Variants in NEGR1 observed in about 807,000 individuals in gnomAD.
NEGR1 encodes the protein IgLON family member 4.
In NEGR1, 10 loss-of-function variants were observed where a neutral mutation model predicts 40.9. The observed-to-expected ratio is 0.24, with a 90% CI of 0.15 to 0.42. The LOEUF is 0.42. Ranked by LOEUF, NEGR1 falls within the 10% of genes least tolerant of loss-of-function variation. The probability of loss-of-function intolerance (pLI) is 1.00; values close to 1 mark genes in which losing one functional copy is unlikely to be tolerated. For missense variants in NEGR1, 352 were observed against 438.9 expected (o/e 0.80, Z 1.77); for synonymous variants, 185 against 166.8 (o/e 1.11, Z -0.84).
At chr1:71,866,745 A>T (rs1170444878) in intron 2 of NEGR1, among the ~76,000 whole-genome samples, 2 of 152,208 alleles carry the variant, frequency 1.3e-5, no homozygotes, top group Non-Finnish European at 2.9e-5. Context: ...TATAAGGGAA[A>T]ACCTAGCATA....
chr1:71,921,090 T>C (rs1308899294), intron 2 of NEGR1, among the ~76,000 whole-genome samples: 1 of 152,198 alleles, frequency 6.6e-6, no homozygotes, highest in Non-Finnish European at 1.5e-5. Flanking sequence ...TCTTACTTTC[T>C]AATAATTAGT....
intron 6 of NEGR1, among the ~76,000 whole-genome samples, chr1:71,523,982 T>A (rs1484472036): frequency 1.3e-5 from 2 of 151,820 alleles, no homozygotes; most frequent in African/African-American, 4.8e-5. Flanking sequence ...ATGCAAAATC[T>A]TCATTTAAAC....
chr1:71,799,046 GTT>G (rs202070801), intron 2 of NEGR1, among the ~76,000 whole-genome samples: 2 of 143,934 alleles, frequency 1.4e-5, no homozygotes, highest in Admixed American at 6.9e-5. Context: ...ATTGAATGGT[GTT>G]TTTTTTTTTT....
At chr1:72,064,590 T>G (rs2100499596) in intron 1 of NEGR1, among the ~76,000 whole-genome samples, 1 of 152,220 alleles carries the variant, frequency 6.6e-6, no homozygotes, top group South Asian at 2.1e-4. Context: ...GTTGTCAGTT[T>G]ATGAAGCATT....
At chr1:72,032,058 G>A (rs1049721513) in intron 1 of NEGR1, among the ~76,000 whole-genome samples, 1 of 152,128 alleles carries the variant, frequency 6.6e-6, no homozygotes, top group Admixed American at 6.6e-5. Flanking sequence ...AATTAGAAGA[G>A]CTAGAAAATA....
At chr1:72,156,614 G>A (rs1249319350) in intron 1 of NEGR1, among the ~76,000 whole-genome samples, 1 of 152,020 alleles carries the variant, frequency 6.6e-6, no homozygotes, top group African/African-American at 2.4e-5. Flanking sequence ...TGTCATTGCT[G>A]TTGCTACCAT....
At chr1:71,807,281 G>T (rs932633252) in intron 2 of NEGR1, among the ~76,000 whole-genome samples, 1 of 152,036 alleles carries the variant, frequency 6.6e-6, no homozygotes, top group Non-Finnish European at 1.5e-5. Context: ...GTGCAATAAA[G>T]CACTGAAATA....
rs369643584 is a variant in NEGR1, at chr1:71,903,049, A to T, written c.409+32030T>A. ...CCAAAGTTTTAAATCTATAAAATTC[A>T]GTTTTATCATAGGGATTTTTAGATC... On this transcript the variant is annotated intron_variant, in intron 2 of 6. Coordinates refer to ENST00000357731, the MANE Select transcript of NEGR1 (RefSeq NM_173808.3). Among the ~76,000 whole-genome samples the T allele has an allele frequency of 5.1e-3, 676 of 132,276 alleles. 1 individual carries two copies. Among genetic ancestry groups the T allele is most frequent in the Non-Finnish European group, 7.9e-3 (477 of 60,756 alleles). 86.8% of individuals were successfully genotyped at this position (132,276 alleles called of 152,430 possible).
At chr1:72,268,723 T>C (rs1655738407) in intron 1 of NEGR1, among the ~76,000 whole-genome samples, 2 of 151,552 alleles carry the variant, frequency 1.3e-5, no homozygotes, top group Non-Finnish European at 3.0e-5. Context: ...TCTATACAAA[T>C]ATACAGGATT....
intron 4 of NEGR1, among the ~76,000 whole-genome samples, chr1:71,694,208 T>C (rs1241294798): frequency 1.3e-5 from 2 of 151,674 alleles, no homozygotes; most frequent in African/African-American, 4.8e-5. Flanking sequence ...ATTCACTAGC[T>C]CCCTTTGGCT....
chr1:72,040,577 C>CAAAAAAAAAAAAAAAAAAAAAAA (rs5775102), intron 1 of NEGR1, among the ~76,000 whole-genome samples: 4 of 29,684 alleles, frequency 1.3e-4, no homozygotes, highest in Admixed American at 6.3e-4. Context: ...GAGCACTGAC[C>CAAAAAAAAAAAAAAAAAAAAAAA]AAAAAAAAAA....
At chr1:72,199,148 G>A in intron 1 of NEGR1, among the ~76,000 whole-genome samples, 1 of 126,246 alleles carries the variant, frequency 7.9e-6, no homozygotes, top group South Asian at 2.2e-4. Context: ...TAGATAGACA[G>A]ACAGAGAGAG....
chr1:71,483,031 T>A (rs1181808352), intron 6 of NEGR1, among the ~76,000 whole-genome samples: 1 of 151,714 alleles, frequency 6.6e-6, no homozygotes, highest in Non-Finnish European at 1.5e-5. Context: ...AAGCGGATAG[T>A]CAGGATAGGG....
intron 6 of NEGR1, among the ~76,000 whole-genome samples, chr1:71,479,535 G>A (rs1263429562): frequency 6.6e-6 from 1 of 151,886 alleles, no homozygotes; most frequent in Non-Finnish European, 1.5e-5. Context: ...TAGGAATCTA[G>A]GTGTTATTTA....
chr1:72,257,250 A>T (rs1376657610), intron 1 of NEGR1, among the ~76,000 whole-genome samples: 3 of 135,944 alleles, frequency 2.2e-5, no homozygotes, highest in Non-Finnish European at 3.1e-5. Flanking sequence ...TGAACCCGGG[A>T]GGCGGAGCTT....
intron 1 of NEGR1, among the ~76,000 whole-genome samples, chr1:71,946,040 T>C (rs151060491): frequency 5.9e-4 from 89 of 152,036 alleles, no homozygotes; most frequent in African/African-American, 2.1e-3. Flanking sequence ...TTACCAATTC[T>C]ATTCGTTTCT....
At chr1:71,665,369 A>G (rs1282986251) in intron 4 of NEGR1, among the ~76,000 whole-genome samples, 2 of 152,162 alleles carry the variant, frequency 1.3e-5, no homozygotes, top group Admixed American at 6.6e-5. Flanking sequence ...GGTATATGTT[A>G]AACATGGGGA....
intron 3 of NEGR1, among the ~76,000 whole-genome samples, chr1:71,761,605 T>C (rs1021639045): frequency 6.6e-6 from 1 of 152,212 alleles, no homozygotes. Context: ...TTCTATACTT[T>C]AACCCACATG....
chr1:71,809,292 A>G (rs1657898448), intron 2 of NEGR1, among the ~76,000 whole-genome samples: 1 of 152,180 alleles, frequency 6.6e-6, no homozygotes, highest in African/African-American at 2.4e-5. Context: ...CAGATATAAT[A>G]GGCCTTGGTC....
Sources: gnomAD v4.1 joint callset for allele counts (sites outside exome capture counted in the v4.1 genomes callset) on GRCh38, gnomAD v4.1.1 for gene constraint, MANE v1.5 for transcripts, NCBI Gene and HGNC (gene_info 2026-07-23, HGNC 2026-07-21) for gene names.